The following LARS2 variants were observed in gnomAD, a reference collection of about 807,000 sequenced individuals.
LARS2 encodes the protein leucine--tRNA ligase, mitochondrial.
Under a neutral mutation model 116.6 loss-of-function variants are expected in LARS2, and 81 were observed. The ratio of observed to expected loss-of-function variants is 0.69; its 90% CI spans 0.58 to 0.84. The LOEUF is 0.84. Ranked by LOEUF, LARS2 falls within the 40% of genes least tolerant of loss-of-function variation. The pLI, the probability that LARS2 is intolerant of heterozygous loss-of-function variation, is 0.00. For missense variants in LARS2, 968 were observed against 1,114.5 expected (o/e 0.87, Z 1.87); for synonymous variants, 396 against 407.2 (o/e 0.97, Z 0.33).
chr3:45,429,221 A>G (rs1698649801), intron 6 of LARS2, among the ~76,000 whole-genome samples: 1 of 152,202 alleles, frequency 6.6e-6, no homozygotes, highest in South Asian at 2.1e-4. Context: ...AGTTTGGGTG[A>G]GCTTGATAGG....
intron 10 of LARS2, among the ~76,000 whole-genome samples, chr3:45,484,827 G>C (rs1157150490): frequency 1.3e-5 from 2 of 150,000 alleles, no homozygotes; most frequent in African/African-American, 4.9e-5. Context: ...ATTTTTCCTA[G>C]AGTTCATAAT....
At chr3:45,499,959 C>T (rs187348186) in intron 14 of LARS2, among the ~76,000 whole-genome samples, 230 of 151,578 alleles carry the variant, frequency 1.5e-3, no homozygotes, top group Non-Finnish European at 2.4e-3. Flanking sequence ...ATTATATAAG[C>T]TTTTCTCATA....
Position 45,491,701 on chromosome 3 carries a change from A to C in LARS2, c.1424A>C (p.Glu475Ala), listed in dbSNP as rs1393384493. ...PVCGPTPVPL[E>A]DLPVTLPNIA... ...TGTGGCCCCACACCTGTGCCCCTGG[A>C]GGACTTGCCTGTGACCCTGCCCAAC... The change falls in exon 13 of 22, where the codon GAG becomes GCG. Residue 475 changes from glutamate (E) to alanine (A), a missense_variant. By Grantham distance (107) the Glu-to-Ala change is moderately radical (BLOSUM62 -1). Transcript: ENST00000645846. The C allele has an allele frequency of 6.2e-7, 1 of 1,614,070 alleles. No individual in the cohort carries two copies. The highest frequency in any genetic ancestry group is 1.7e-5 in the Admixed American group (1 of 60,014).
In LARS2 at chr3:45,491,561, G is replaced by T; in HGVS notation, c.1284G>T (p.Gln428His). Residue 428 changes from glutamine (Q) to histidine (H), a missense_variant, in exon 13 of 22, where the codon CAG (glutamine) becomes CAT (histidine). By Grantham distance (24) the Gln-to-His change is conservative (BLOSUM62 0). Coordinates refer to ENST00000645846, the MANE Select transcript of LARS2 (RefSeq NM_015340.4). The stretch of plus-strand genomic sequence containing the variant: ...AGGATGCTTTTCTAGCCCTGACTCA[G>T]AAAGCCCGGGGGAAGAGAGTGGGTG... ...TRQDAFLALT[Q>H]KARGKRVGGD... 6.2e-7 allele frequency: 1 copy of T among 1,614,210 alleles called. No homozygotes were observed. The highest frequency in any genetic ancestry group is 8.5e-7 in the Non-Finnish European group (1 of 1,180,034).
At chr3:45,526,303 C>T (rs1700530126) in intron 20 of LARS2, among the ~76,000 whole-genome samples, 1 of 152,084 alleles carries the variant, frequency 6.6e-6, no homozygotes, top group Non-Finnish European at 1.5e-5. Context: ...TCAAAAGTTC[C>T]CCAAAGGGAT....
chr3:45,545,128 T>C (rs1227696819), intron 21 of LARS2, among the ~76,000 whole-genome samples: 2 of 152,166 alleles, frequency 1.3e-5, no homozygotes, highest in Non-Finnish European at 2.9e-5. Context: ...CTTCCCTATC[T>C]GTAAAATGGG....
intron 15 of LARS2, among the ~76,000 whole-genome samples, chr3:45,508,151 T>C (rs1207892706): frequency 6.6e-6 from 1 of 151,984 alleles, no homozygotes; most frequent in East Asian, 1.9e-4. Context: ...CCAAACTGAA[T>C]TTCTCCCTTC....
At chr3:45,447,556 G>A (rs996563704) in intron 7 of LARS2, among the ~76,000 whole-genome samples, 1 of 151,914 alleles carries the variant, frequency 6.6e-6, no homozygotes, top group South Asian at 2.1e-4. Flanking sequence ...TGTGTCATAC[G>A]GTCACTTGCT....
At chr3:45,474,999 G>C (rs538090612) in intron 9 of LARS2, among the ~76,000 whole-genome samples, 1 of 152,110 alleles carries the variant, frequency 6.6e-6, no homozygotes, top group African/African-American at 2.4e-5. Flanking sequence ...TTCTAGAAGG[G>C]GTCCCTAAAA....
At chr3:45,486,740 T>A (rs140575713) in intron 11 of LARS2, among the ~76,000 whole-genome samples, 216 of 152,366 alleles carry the variant, frequency 1.4e-3, no homozygotes, top group African/African-American at 4.9e-3. Context: ...TAATTCCTTC[T>A]GTTACTTTTA....
intron 8 of LARS2, among the ~76,000 whole-genome samples, chr3:45,467,226 G>A (rs4683116): frequency 0.54 from 82,119 of 152,054 alleles, 25,394 homozygotes; most frequent in East Asian, 0.78. Flanking sequence ...AGTAAAGACC[G>A]ATCCAATGGC....
chr3:45,397,691 A>G (rs1178968795), intron 3 of LARS2, among the ~76,000 whole-genome samples: 8 of 152,210 alleles, frequency 5.3e-5, no homozygotes, highest in African/African-American at 1.9e-4. Context: ...CTAGCTCCCA[A>G]AGAACTCTTA....
chr3:45,441,333 A>C (rs1255262176), intron 6 of LARS2, among the ~76,000 whole-genome samples: 1 of 152,078 alleles, frequency 6.6e-6, no homozygotes, highest in Non-Finnish European at 1.5e-5. Context: ...CCCATCACAC[A>C]CTGAGTAAAG....
At chr3:45,474,222 G>T in intron 8 of LARS2, 21 bp from the exon 9 acceptor site, 4 of 1,512,166 alleles carry the variant, frequency 2.6e-6, no homozygotes, top group African/African-American at 2.7e-5. Flanking sequence ...CTACTTCTTT[G>T]TTCTCCTTTC....
chr3:45,439,619 TA>T (rs1698871593), intron 6 of LARS2, among the ~76,000 whole-genome samples: 1 of 122,528 alleles, frequency 8.2e-6, no homozygotes, highest in South Asian at 3.1e-4. Flanking sequence ...TTGTTATTTC[TA>T]ACTGTTTTTT....
chr3:45,489,240 C>G (rs1346891081), intron 12 of LARS2, among the ~76,000 whole-genome samples: 1 of 152,148 alleles, frequency 6.6e-6, no homozygotes, highest in African/African-American at 2.4e-5. Flanking sequence ...TCAGGGTTAT[C>G]TCTTGCTAGC....
chr3:45,409,499 C>T lies in LARS2; in HGVS notation c.364-7983C>T, dbSNP rs577940219. 3.3e-5 allele frequency among the ~76,000 whole-genome samples: 5 copies of T among 152,122 alleles called. No individual in the cohort carries two copies. In the East Asian group the frequency reaches 9.7e-4, roughly 29 times the overall value. Reference sequence around the variant, plus strand: ...GAAGCACCTAACCCAGTGTATTTCACGTAAATAGGCCATAACAACTTGACC... The same window carrying T: ...GAAGCACCTAACCCAGTGTATTTCATGTAAATAGGCCATAACAACTTGACC... On this transcript the variant is annotated intron_variant, in intron 4 of 21. Coordinates refer to ENST00000645846, the MANE Select transcript of LARS2 (RefSeq NM_015340.4).
At chr3:45,503,485 G>T (rs971485698) in intron 15 of LARS2, among the ~76,000 whole-genome samples, 31 of 152,178 alleles carry the variant, frequency 2.0e-4, no homozygotes, top group Middle Eastern at 3.4e-3. Context: ...GATCACAGGG[G>T]TTCTATAGCT....
In LARS2 at chr3:45,488,358, G is replaced by A. The variant is rs575198470; in HGVS notation, c.1124-339G>A. Among the ~76,000 whole-genome samples the A allele has an allele frequency of 3.3e-5, 5 of 152,246 alleles. No homozygotes were observed. In the South Asian group the frequency reaches 8.3e-4, roughly 25 times the overall value. ...TGAGATATGAGAATCACTTGAACCC[G>A]GGAGGCTGAAGTTGCAGTGAGCCGA... On this transcript the variant is annotated intron_variant, in intron 11 of 21. Transcript: ENST00000645846.
Sources: gnomAD v4.1 joint callset for allele counts (sites outside exome capture counted in the v4.1 genomes callset) on GRCh38, gnomAD v4.1.1 for gene constraint, MANE v1.5 for transcripts, NCBI Gene and HGNC (gene_info 2026-07-23, HGNC 2026-07-21) for gene names.